The following TTC34 variants were observed in gnomAD, a reference collection of about 807,000 sequenced individuals.
TTC34 encodes the protein tetratricopeptide repeat protein 34.
Under a neutral mutation model 40.7 loss-of-function variants are expected in TTC34, and 44 were observed. That is an observed-to-expected ratio of 1.08 (90% CI 0.85 to 1.39). The LOEUF (loss-of-function observed/expected upper bound fraction) is 1.39, where lower values mean the gene tolerates loss of function less well. TTC34 is among the 40% of genes most tolerant of loss of function. TTC34 has a pLI of 0.00. For synonymous variants in TTC34, 422 were observed against 398.6 expected, an observed-to-expected ratio of 1.06 and a Z score of -0.70; for missense variants, 884 against 838.0, an observed-to-expected ratio of 1.05 and a Z score of -0.68.
At chr1:2,767,680 T>G (rs1161076785) in intron 6 of TTC34, among the ~76,000 whole-genome samples, 1 of 119,278 alleles carries the variant, frequency 8.4e-6, no homozygotes, top group Non-Finnish European at 1.7e-5. Flanking sequence ...AACAGAATTC[T>G]CCAACCCCAG....
chr1:2,686,771 G>C (rs1174474064), intron 6 of TTC34, among the ~76,000 whole-genome samples: 2 of 123,048 alleles, frequency 1.6e-5, no homozygotes, highest in African/African-American at 6.8e-5. Context: ...ACCCCCAGGT[G>C]AGCATGTGAC....
At chr1:2,769,786 C>A in intron 6 of TTC34, among the ~76,000 whole-genome samples, 1 of 144,074 alleles carries the variant, frequency 6.9e-6, no homozygotes, top group South Asian at 2.3e-4. Flanking sequence ...GGAGCAGCGC[C>A]CACACCCCCA....
chr1:2,786,804 C>T (rs1477304716), intron 4 of TTC34, among the ~76,000 whole-genome samples: 1 of 152,184 alleles, frequency 6.6e-6, no homozygotes, highest in African/African-American at 2.4e-5. Context: ...CCAATGCTGC[C>T]CCCTGCTGGC....
At chr1:2,688,131 C>G (rs555648364) in intron 6 of TTC34, among the ~76,000 whole-genome samples, 268 of 142,668 alleles carry the variant, frequency 1.9e-3, no homozygotes, top group African/African-American at 6.7e-3. Context: ...CCCACACCCC[C>G]AGGCGAGCAT....
chr1:2,700,092 G>A (rs1367765846), intron 6 of TTC34, among the ~76,000 whole-genome samples: 1 of 90,456 alleles, frequency 1.1e-5, no homozygotes, highest in Non-Finnish European at 2.6e-5. Flanking sequence ...AGCACCCACA[G>A]TCCCAGGTGA....
intron 6 of TTC34, among the ~76,000 whole-genome samples, chr1:2,749,904 AG>A (rs1641260833): frequency 7.8e-6 from 1 of 128,078 alleles, no homozygotes; most frequent in Non-Finnish European, 1.6e-5. Context: ...AGCATCTGAC[AG>A]CCTGGGTCGG....
chr1:2,641,917 A>G, intron 8 of TTC34, 22 bp from the exon 9 acceptor site: 1 of 1,446,648 alleles, frequency 6.9e-7, no homozygotes, highest in Non-Finnish European at 9.1e-7. Flanking sequence ...ACACAGAGAG[A>G]GGCAGGGAGA....
At chr1:2,688,366 A>G (rs1323954907) in intron 6 of TTC34, among the ~76,000 whole-genome samples, 137 of 146,334 alleles carry the variant, frequency 9.4e-4, no homozygotes, top group Admixed American at 2.0e-3. Flanking sequence ...AGCAGCACCC[A>G]CACGCCCAGG....
intron 6 of TTC34, among the ~76,000 whole-genome samples, chr1:2,769,737 G>C (rs1641994595): frequency 6.7e-6 from 1 of 149,330 alleles, no homozygotes; most frequent in African/African-American, 2.5e-5. Flanking sequence ...TGACAGCCTG[G>C]AGCAGCGCCC....
At chr1:2,695,734 A>C (rs61765759) in intron 6 of TTC34, among the ~76,000 whole-genome samples, 927 of 14,466 alleles carry the variant, frequency 0.064, 4 homozygotes, top group Admixed American at 0.082. Context: ...GAGCAGCTGA[A>C]ATCCTGGAAC....
chr1:2,753,977 CT>C (rs1216553116), intron 6 of TTC34, among the ~76,000 whole-genome samples: 4 of 82,006 alleles, frequency 4.9e-5, no homozygotes, highest in African/African-American at 2.9e-4. Flanking sequence ...AGCACCCACA[CT>C]CCCAGGCGAG....
rs570016323 is a variant in TTC34 at position 2,687,933 on chromosome 1, G to A, written c.2227-42370C>T. On this transcript the variant is annotated intron_variant, in intron 6 of 8. Coordinates refer to ENST00000401095, the Ensembl canonical transcript of TTC34. ...ACTGGAACAGCACCCACACGCCCAG[G>A]TGAGCCTCTGACAGCCTGGAACAGC... 2.6e-4 allele frequency among the ~76,000 whole-genome samples: 31 copies of A among 120,808 alleles called. No homozygotes were observed. In the South Asian group the frequency reaches 7.1e-3, roughly 28 times the overall value. The allele number at this position is 120,808 out of a possible 152,430, so 79.3% of individuals were successfully genotyped here.
intron 6 of TTC34, among the ~76,000 whole-genome samples, chr1:2,648,176 G>A (rs1027193287): frequency 1.3e-5 from 2 of 151,976 alleles, no homozygotes; most frequent in South Asian, 2.1e-4. Flanking sequence ...CTCTTATTAC[G>A]GGTCCCATTT....
At chr1:2,789,997 G>T (rs1643644360) in exon 3 of TTC34, 4 of 393,458 alleles carry the variant, frequency 1.0e-5, no homozygotes, top group Non-Finnish European at 1.8e-5. Context: ...GCAGGCACTC[G>T]GCGAGGCGGG....
intron 6 of TTC34, among the ~76,000 whole-genome samples, chr1:2,676,934 G>T (rs1570791254): frequency 2.0e-5 from 3 of 148,242 alleles, no homozygotes; most frequent in Admixed American, 6.7e-5. Context: ...ACACCCCCAG[G>T]TGAGCATCTG....
chr1:2,754,818 C>G (rs1418405439), intron 6 of TTC34, among the ~76,000 whole-genome samples: 7,343 of 80,702 alleles, frequency 0.091, no homozygotes, highest in Middle Eastern at 0.11. Context: ...AGAAACCACA[C>G]CCCCAGGTGA....
chr1:2,647,028 A>G (rs1401024223), intron 6 of TTC34, among the ~76,000 whole-genome samples: 1 of 151,962 alleles, frequency 6.6e-6, no homozygotes, highest in Non-Finnish European at 1.5e-5. Context: ...ATCTGCTGTC[A>G]TTCGTGTTGT....
Position 2,681,074 on chromosome 1 carries a change from G to A in TTC34, c.2227-35511C>T, listed in dbSNP as rs202121852. 6.7e-5 allele frequency among the ~76,000 whole-genome samples: 5 copies of A among 74,606 alleles called. 1 individual carries two copies. Among genetic ancestry groups the A allele is most frequent in the Admixed American group, 2.6e-4 (2 of 7,780 alleles). The allele number at this position is 74,606 out of a possible 152,430, so 48.9% of individuals were successfully genotyped here. ...GAGCAGTGCCCACACACCCAGGCGAGCATCTGACAGCCTAGAGCAGTGCCC... is the reference window on the plus strand; with the variant it reads ...GAGCAGTGCCCACACACCCAGGCGAACATCTGACAGCCTAGAGCAGTGCCC... On this transcript the variant is annotated intron_variant, in intron 6 of 8. Transcript: ENST00000401095.
chr1:2,750,144 G>GA (rs1641267431), intron 6 of TTC34, among the ~76,000 whole-genome samples: 4 of 128,968 alleles, frequency 3.1e-5, no homozygotes, highest in African/African-American at 1.3e-4. Flanking sequence ...GCATCCGACA[G>GA]CGTGGAGCAG....
Sources: gnomAD v4.1 joint callset for allele counts (sites outside exome capture counted in the v4.1 genomes callset) on GRCh38, gnomAD v4.1.1 for gene constraint, MANE v1.5 for transcripts, NCBI Gene and HGNC (gene_info 2026-07-23, HGNC 2026-07-21) for gene names.